OSBPL5: variants seen among roughly 807,000 people sequenced by gnomAD.
OSBPL5 encodes the protein oxysterol binding protein like 5.
OSBPL5 carries 71 observed loss-of-function variants against 111.2 expected under a neutral mutation model. The observed-to-expected ratio is 0.64, with a 90% CI of 0.53 to 0.78. The LOEUF (loss-of-function observed/expected upper bound fraction) is 0.78, where lower values mean the gene tolerates loss of function less well. Ranked by LOEUF, OSBPL5 falls within the 30% of genes least tolerant of loss-of-function variation. The probability of loss-of-function intolerance (pLI) is 0.00; values close to 1 mark genes in which losing one functional copy is unlikely to be tolerated. For missense variants in OSBPL5, 1,210 were observed against 1,189.3 expected (o/e 1.02, Z -0.26); for synonymous variants, 549 against 513.9 (o/e 1.07, Z -0.93).
Position 3,113,205 on chromosome 11 carries a change from T to A in OSBPL5, c.692-5260A>T, listed in dbSNP as rs1019539098. ...TTTAATAAATAAGCTAGCTTTAAAA[T>A]TATTGGTAAAGTAATATTAGAAATG... On this transcript the variant is annotated intron_variant, in intron 7 of 21. Transcript: ENST00000263650. The surrounding 1 kb of genome is among the most constrained non-coding windows in gnomAD (Gnocchi z 4.8). Among the ~76,000 whole-genome samples, 1 of 152,216 alleles carries A rather than the reference T, an allele frequency of 6.6e-6. No homozygotes were observed. The highest frequency in any genetic ancestry group is 1.5e-5 in the Non-Finnish European group (1 of 68,032).
At chr11:3,137,513 G>T (rs1413930674) in intron 1 of OSBPL5, among the ~76,000 whole-genome samples, 1 of 152,228 alleles carries the variant, frequency 6.6e-6, no homozygotes, top group Non-Finnish European at 1.5e-5. Context: ...ACATTTTAAA[G>T]ATGCAGTGGG....
rs1858636704 is a variant in OSBPL5, at chr11:3,126,591, G to A, written c.137-36C>T. The A allele has an allele frequency of 1.9e-6, 3 of 1,575,334 alleles. No homozygotes were observed. Among genetic ancestry groups the A allele is most frequent in the Non-Finnish European group, 1.7e-6 (2 of 1,159,820 alleles). ...GCAGTGGGAGTGAGGACCCAGGCATGGTGGCGTGGCCAGGCTTCTCAGGCC... is the reference window on the plus strand; with the variant it reads ...GCAGTGGGAGTGAGGACCCAGGCATAGTGGCGTGGCCAGGCTTCTCAGGCC... On this transcript the variant is annotated intron_variant, in intron 2 of 21. Coordinates refer to ENST00000263650, the MANE Select transcript of OSBPL5 (RefSeq NM_020896.4). The surrounding 1 kb of genome is among the most constrained non-coding windows in gnomAD (Gnocchi z 6.5).
chr11:3,112,548 G>A (rs1453526721), intron 7 of OSBPL5, among the ~76,000 whole-genome samples: 1 of 148,346 alleles, frequency 6.7e-6, no homozygotes, highest in African/African-American at 2.5e-5. Flanking sequence ...AAGGAAGAGT[G>A]TGGTTTAGAC....
Position 3,126,430 on chromosome 11 carries a change from G to T in OSBPL5, c.219+43C>A. The T allele has an allele frequency of 2.0e-6, 3 of 1,526,968 alleles. No individual in the cohort carries two copies. The highest frequency in any genetic ancestry group is 2.6e-6 in the Non-Finnish European group (3 of 1,133,130). 94.6% of individuals were successfully genotyped at this position (1,526,968 alleles called of 1,614,324 possible). A position where few individuals can be genotyped will look rare whatever the true frequency, so the allele number is the denominator to read the frequency against. On this transcript the variant is annotated intron_variant, in intron 3 of 21. Transcript: ENST00000263650. The surrounding 1 kb of genome is among the most constrained non-coding windows in gnomAD (Gnocchi z 6.5). Reference sequence around the variant, plus strand: ...CCAGCCGTTTCCTGCTGTCCCCAGAGCCAGGCTCTGGCTCATGGATCCTCC... The same window carrying T: ...CCAGCCGTTTCCTGCTGTCCCCAGATCCAGGCTCTGGCTCATGGATCCTCC...
intron 1 of OSBPL5, among the ~76,000 whole-genome samples, chr11:3,155,058 G>A (rs1173069455): frequency 6.6e-6 from 1 of 152,204 alleles, no homozygotes; most frequent in African/African-American, 2.4e-5. Flanking sequence ...GACACAGGGA[G>A]AAAGAAGGTG....
intron 4 of OSBPL5, 96 bp from the exon 5 acceptor site, chr11:3,122,194 G>A (rs1030548626): frequency 5.1e-6 from 7 of 1,378,246 alleles, no homozygotes; most frequent in African/African-American, 4.3e-5. Context: ...CAGGGGCAGG[G>A]GCAGGAGAGG....
intron 7 of OSBPL5, among the ~76,000 whole-genome samples, chr11:3,111,444 C>T (rs2134434144): frequency 6.6e-6 from 1 of 152,156 alleles, no homozygotes; most frequent in East Asian, 1.9e-4. Context: ...TTTGTCTTAG[C>T]TAAAGTTAAG....
Position 3,121,893 on chromosome 11 carries a change from G to T in OSBPL5, c.402+104C>A. The T allele has an allele frequency of 1.0e-6, 1 of 980,948 alleles. No homozygotes were observed. Among genetic ancestry groups the T allele is most frequent in the Non-Finnish European group, 1.5e-6 (1 of 650,664 alleles). The allele number at this position is 980,948 out of a possible 1,614,324, so 60.8% of individuals were successfully genotyped here. On this transcript the variant is annotated intron_variant, in intron 5 of 21. Coordinates refer to ENST00000263650, the MANE Select transcript of OSBPL5 (RefSeq NM_020896.4). This position sits in a 1 kb window ranked among gnomAD's most constrained non-coding sequence, Gnocchi z 4.3. Reference sequence around the variant, plus strand: ...TGCAGTGATAACGGCTAGATGCAGGGAAGTGAATTTCCATCGTTTCAGGCC... The same window carrying T: ...TGCAGTGATAACGGCTAGATGCAGGTAAGTGAATTTCCATCGTTTCAGGCC...
chr11:3,116,592 C>T lies in OSBPL5; in HGVS notation c.691+2955G>A, dbSNP rs112848042. On this transcript the variant is annotated intron_variant, in intron 7 of 21. Transcript: ENST00000263650. The stretch of plus-strand genomic sequence containing the variant: ...AGTAATTGCCAGGTGTGGTGGCTCA[C>T]GCCTGTAATCCCAGCACTTTGGGAG... Among the ~76,000 whole-genome samples the T allele has an allele frequency of 1.3e-3, 198 of 152,194 alleles. 1 individual carries two copies. Among genetic ancestry groups the T allele is most frequent in the African/African-American group, 4.4e-3 (184 of 41,520 alleles).
In OSBPL5 at chr11:3,104,118, G is replaced by C. The variant is rs1204326559; in HGVS notation, c.1244+75C>G. 1.3e-6 allele frequency: 2 copies of C among 1,482,720 alleles called. No homozygotes were observed. Among genetic ancestry groups the C allele is most frequent in the Non-Finnish European group, 1.8e-6 (2 of 1,097,652 alleles). The allele number at this position is 1,482,720 out of a possible 1,614,324, so 91.8% of individuals were successfully genotyped here. A position where few individuals can be genotyped will look rare whatever the true frequency, so the allele number is the denominator to read the frequency against. ...TCTGGAAGCCCCCACAGGGCAGGTA[G>C]GGGCTGGGGGTGCTGCAGGGTCTCA... On this transcript the variant is annotated intron_variant, in intron 10 of 21. Coordinates refer to ENST00000263650, the MANE Select transcript of OSBPL5 (RefSeq NM_020896.4). This position sits in a 1 kb window ranked among gnomAD's most constrained non-coding sequence, Gnocchi z 5.0.
In OSBPL5 at chr11:3,101,652, C is replaced by T. The variant is rs770677466; in HGVS notation, c.1473G>A (p.Lys491=). 6.8e-6 allele frequency: 11 copies of T among 1,614,024 alleles called. No individual in the cohort carries two copies. Among genetic ancestry groups the T allele is most frequent in the Non-Finnish European group, 9.3e-6 (11 of 1,180,008 alleles). The part of the protein sequence containing the change: ...PVSAFHVSNR[K]DGFCISGSIT... The stretch of plus-strand genomic sequence containing the variant: ...TGCTGCCACTGATGCAGAAGCCGTC[C>T]TTCCGGTTGCTGACGTGGAAGGCAG... The change falls in exon 13 of 22, where the codon AAG becomes AAA. Residue 491 remains lysine, a synonymous_variant. Transcript: ENST00000263650.
At chr11:3,115,465 A>C (rs916858241) in intron 7 of OSBPL5, among the ~76,000 whole-genome samples, 2 of 152,230 alleles carry the variant, frequency 1.3e-5, no homozygotes, top group Non-Finnish European at 2.9e-5. Context: ...CAGGCCCGGT[A>C]GAAGATGCCA....
chr11:3,129,135 G>T lies in OSBPL5; in HGVS notation c.14C>A (p.Ala5Asp). Residue 5 changes from alanine to aspartate, a missense_variant, in exon 2 of 22, where the codon GCC (alanine) becomes GAC (aspartate). Ala to Asp is a moderately radical substitution (Grantham distance 126). Transcript: ENST00000263650. MKEEAFLRRRFSLCP... is the reference protein window; with the variant it reads MKEEDFLRRRFSLCP... ...CAGGGAGAAGCGGCGCCGGAGGAAGGCCTCCTCCTTCATGCTGTGGGCGCT... is the reference window on the plus strand; with the variant it reads ...CAGGGAGAAGCGGCGCCGGAGGAAGTCCTCCTCCTTCATGCTGTGGGCGCT... 4 of 1,476,516 alleles carry T rather than the reference G, an allele frequency of 2.7e-6. No homozygotes were observed. The highest frequency in any genetic ancestry group is 3.6e-6 in the Non-Finnish European group (4 of 1,108,964). The allele number at this position is 1,476,516 out of a possible 1,614,324, so 91.5% of individuals were successfully genotyped here.
rs1858740997 is a variant in OSBPL5 at position 3,129,173 on chromosome 11, G to A, written c.-21-4C>T. 7.3e-7 allele frequency: 1 copy of A among 1,367,120 alleles called. No homozygotes were observed. Among genetic ancestry groups the A allele is most frequent in the African/African-American group, 1.5e-5 (1 of 65,798 alleles). 84.7% of individuals were successfully genotyped at this position (1,367,120 alleles called of 1,614,324 possible). ...TGCTGTGGGCGCTCGGGGGCTTCTGGAAGGAAGGAAGGAGGGGCAGCAGGA... is the reference window on the plus strand; with the variant it reads ...TGCTGTGGGCGCTCGGGGGCTTCTGAAAGGAAGGAAGGAGGGGCAGCAGGA... On this transcript the variant is annotated splice_polypyrimidine_tract_variant and splice_region_variant and intron_variant, in intron 1 of 21. Transcript: ENST00000263650.
chr11:3,092,302 G>C lies in OSBPL5; in HGVS notation c.2259+130C>G. On this transcript the variant is annotated intron_variant, in intron 19 of 21. Transcript: ENST00000263650. The surrounding 1 kb of genome is among the most constrained non-coding windows in gnomAD (Gnocchi z 5.4). ...CTCGGCAGAGAAGGAAAGGGGACGAGGGGGCTGGGGGATGAGGGCGTGAGG... is the reference window on the plus strand; with the variant it reads ...CTCGGCAGAGAAGGAAAGGGGACGACGGGGCTGGGGGATGAGGGCGTGAGG... 7.8e-7 allele frequency: 1 copy of C among 1,277,688 alleles called. No individual in the cohort carries two copies. 79.1% of individuals were successfully genotyped at this position (1,277,688 alleles called of 1,614,324 possible).
intron 1 of OSBPL5, among the ~76,000 whole-genome samples, chr11:3,157,795 G>A (rs563874605): frequency 2.6e-5 from 4 of 152,366 alleles, no homozygotes; most frequent in East Asian, 1.9e-4. Flanking sequence ...TCTTCTGGCC[G>A]TTGGTGGGCA....
Position 3,142,822 on chromosome 11 carries a change from G to A in OSBPL5, c.-21-13653C>T, listed in dbSNP as rs570478129. Among the ~76,000 whole-genome samples the A allele has an allele frequency of 6.6e-6, 1 of 152,080 alleles. No homozygotes were observed. Among genetic ancestry groups the A allele is most frequent in the African/African-American group, 2.4e-5 (1 of 41,488 alleles). On this transcript the variant is annotated intron_variant, in intron 1 of 21. Coordinates refer to ENST00000263650, the MANE Select transcript of OSBPL5 (RefSeq NM_020896.4). This position sits in a 1 kb window ranked among gnomAD's most constrained non-coding sequence, Gnocchi z 7.1. Reference sequence around the variant, plus strand: ...GCCCCATGCAGCCTTGCGGGTAGAAGGGCAGTGACTGCCCACTCCTTGCAC... The same window carrying A: ...GCCCCATGCAGCCTTGCGGGTAGAAAGGCAGTGACTGCCCACTCCTTGCAC...
intron 1 of OSBPL5, among the ~76,000 whole-genome samples, chr11:3,139,074 G>A (rs570734830): frequency 3.9e-4 from 60 of 152,294 alleles, no homozygotes; most frequent in African/African-American, 1.4e-3. Context: ...GGATCCTGGG[G>A]TGCGAGCAGG....
intron 10 of OSBPL5, among the ~76,000 whole-genome samples, chr11:3,103,813 TGCCTGCGCAGCCCCCTTCCA>T (rs1344107664): frequency 0.48 from 50,915 of 106,114 alleles, 12,430 homozygotes; most frequent in East Asian, 0.77. Flanking sequence ...GCCCTCTTCC[TGCCTGCGCAGCCCCCTTCCA>T]GCCTCTGCAG....
Sources: gnomAD v4.1 joint callset for allele counts (sites outside exome capture counted in the v4.1 genomes callset) on GRCh38, gnomAD v4.1.1 for gene constraint, Gnocchi (gnomAD v3.1) non-coding constraint, MANE v1.5 for transcripts, NCBI Gene and HGNC (gene_info 2026-07-23, HGNC 2026-07-21) for gene names.